Variants in DAB2IP observed in about 807,000 individuals in gnomAD.
DAB2IP encodes the protein DAB2 interacting protein, also known as disabled homolog 2-interacting protein.
In DAB2IP, 28 loss-of-function variants were observed where a neutral mutation model predicts 107.2. The ratio of observed to expected loss-of-function variants is 0.26; its 90% CI spans 0.19 to 0.36. The LOEUF (loss-of-function observed/expected upper bound fraction) is 0.36, where lower values mean the gene tolerates loss of function less well. Ranked by LOEUF, DAB2IP falls within the 10% of genes least tolerant of loss-of-function variation. The probability of loss-of-function intolerance (pLI) is 1.00; values close to 1 mark genes in which losing one functional copy is unlikely to be tolerated. For missense variants in DAB2IP, 1,400 were observed against 1,644.7 expected (o/e 0.85, Z 2.57); for synonymous variants, 755 against 706.4 (o/e 1.07, Z -1.09).
chr9:121,780,139 G>A (rs923416816), intron 14 of DAB2IP, among the ~76,000 whole-genome samples: 1 of 152,120 alleles, frequency 6.6e-6, no homozygotes, highest in Non-Finnish European at 1.5e-5. Context: ...TCCCTCCCTG[G>A]CCTCCCAAAG....
At chr9:121,591,795 C>T (rs1336873595) in intron 1 of DAB2IP, among the ~76,000 whole-genome samples, 1 of 152,142 alleles carries the variant, frequency 6.6e-6, no homozygotes, top group Non-Finnish European at 1.5e-5. Flanking sequence ...GGGTGTAGTT[C>T]AAGTTGCCTG....
intron 1 of DAB2IP, among the ~76,000 whole-genome samples, chr9:121,615,891 G>T (rs55693555): frequency 0.071 from 10,734 of 152,206 alleles, 450 homozygotes; most frequent in Non-Finnish European, 0.096. Flanking sequence ...CTCCCAAAGT[G>T]CTGGGATTAC....
chr9:121,664,556 G>A (rs1347459142), intron 1 of DAB2IP, among the ~76,000 whole-genome samples: 1 of 152,192 alleles, frequency 6.6e-6, no homozygotes, highest in East Asian at 1.9e-4. Flanking sequence ...GATCCTTAAT[G>A]TCTCTCAGCA....
chr9:121,738,217 C>T (rs1406950006), intron 3 of DAB2IP, among the ~76,000 whole-genome samples: 1 of 152,112 alleles, frequency 6.6e-6, no homozygotes, highest in Non-Finnish European at 1.5e-5. Flanking sequence ...GGCTGCAGGG[C>T]TAATGAGGGC....
At chr9:121,771,468 G>A (rs1389053296) in intron 11 of DAB2IP, among the ~76,000 whole-genome samples, 1 of 152,166 alleles carries the variant, frequency 6.6e-6, no homozygotes, top group South Asian at 2.1e-4. Context: ...AGCAGGGGAG[G>A]GTGCTGAGAT....
intron 1 of DAB2IP, among the ~76,000 whole-genome samples, chr9:121,605,987 G>T (rs1830858026): frequency 6.6e-6 from 1 of 152,116 alleles, no homozygotes; most frequent in African/African-American, 2.4e-5. Context: ...ATCTGTCCCT[G>T]AGTTCAGAGA....
At chr9:121,730,781 TC>T (rs1831488770) in intron 3 of DAB2IP, among the ~76,000 whole-genome samples, 1 of 152,180 alleles carries the variant, frequency 6.6e-6, no homozygotes, top group South Asian at 2.1e-4. Context: ...ACTGCCTTGC[TC>T]CTCTGATCCC....
In DAB2IP at chr9:121,763,657, G is replaced by C. The variant is rs755550843; in HGVS notation, c.1315+8G>C. 31 of 1,612,652 alleles carry C rather than the reference G, an allele frequency of 1.9e-5. No individual in the cohort carries two copies. Among genetic ancestry groups the C allele is most frequent in the Admixed American group, 3.3e-5 (2 of 59,938 alleles). ...ACCTGCAGGACGCCCTAGGTAGGGA[G>C]TGGGCCAGCAGCAGGGCAGAGGGTG... On this transcript the variant is annotated splice_region_variant and intron_variant, in intron 7 of 15. Transcript: ENST00000408936.
intron 12 of DAB2IP, 152 bp downstream of exon 12, chr9:121,773,647 C>T: frequency 9.5e-7 from 1 of 1,053,164 alleles, no homozygotes; most frequent in Non-Finnish European, 1.2e-6. Context: ...GCCACCACCC[C>T]CTCCCCCTGG....
At position 121,699,215 on chromosome 9, in the gene DAB2IP, C is replaced by G; in HGVS notation, c.229-110C>G. On this transcript the variant is annotated intron_variant, in intron 2 of 15. Coordinates refer to ENST00000408936, the Ensembl canonical transcript of DAB2IP. The surrounding 1 kb of genome is among the most constrained non-coding windows in gnomAD (Gnocchi z 6.2). ...TGGGGCCGAGCCCGAGCCCGGCCCG[C>G]CCTCGGCCGCGCGGCCGCCCAGCAA... 5.0e-6 allele frequency: 5 copies of G among 993,798 alleles called. No individual in the cohort carries two copies. Among genetic ancestry groups the G allele is most frequent in the Non-Finnish European group, 6.0e-6 (5 of 837,168 alleles). 61.6% of individuals were successfully genotyped at this position (993,798 alleles called of 1,614,324 possible).
chr9:121,711,927 TC>T (rs1424654603), intron 3 of DAB2IP, among the ~76,000 whole-genome samples: 1 of 152,184 alleles, frequency 6.6e-6, no homozygotes, highest in Non-Finnish European at 1.5e-5. Flanking sequence ...CCCATCCCCC[TC>T]TAGACTCCCT....
chr9:121,612,601 A>T (rs1300582612), intron 1 of DAB2IP, among the ~76,000 whole-genome samples: 1 of 152,100 alleles, frequency 6.6e-6, no homozygotes, highest in Non-Finnish European at 1.5e-5. Context: ...GGCAGGGCGG[A>T]ACTCCAACAA....
Position 121,669,946 on chromosome 9 carries a change from G to A in DAB2IP, c.125-8732G>A, listed in dbSNP as rs558064972. Among the ~76,000 whole-genome samples, 16 of 152,238 alleles carry A rather than the reference G, an allele frequency of 1.1e-4. No homozygotes were observed. In the South Asian group the frequency reaches 2.1e-3, roughly 20 times the overall value. ...TCGTGTACATTGGTACCATGCCTGC[G>A]TATAGTTCTCTGCCATTTCATCATG... On this transcript the variant is annotated intron_variant, in intron 1 of 15. Transcript: ENST00000408936.
intron 1 of DAB2IP, among the ~76,000 whole-genome samples, chr9:121,617,100 G>A (rs779728472): frequency 6.6e-6 from 1 of 152,198 alleles, no homozygotes; most frequent in Non-Finnish European, 1.5e-5. Context: ...CTGGGAGGCC[G>A]AGGTGAGCAG....
intron 1 of DAB2IP, among the ~76,000 whole-genome samples, chr9:121,627,562 CTG>C (rs1370860082): frequency 6.6e-6 from 1 of 152,154 alleles, no homozygotes; most frequent in Non-Finnish European, 1.5e-5. Flanking sequence ...TCTGCAAAGA[CTG>C]TGGCTGTGTA....
At chr9:121,761,885 T>A (rs1349222699) in intron 6 of DAB2IP, among the ~76,000 whole-genome samples, 4 of 152,034 alleles carry the variant, frequency 2.6e-5, no homozygotes, top group Non-Finnish European at 4.4e-5. Context: ...TGCAGTTGTG[T>A]CTGATGTTTC....
chr9:121,729,733 G>A (rs1409023340), intron 3 of DAB2IP, among the ~76,000 whole-genome samples: 2 of 152,158 alleles, frequency 1.3e-5, no homozygotes, highest in East Asian at 3.8e-4. Context: ...GGCCCGATGG[G>A]GTGGAAAGTT....
At chr9:121,713,389 C>T (rs1364735177) in intron 3 of DAB2IP, among the ~76,000 whole-genome samples, 1 of 152,272 alleles carries the variant, frequency 6.6e-6, no homozygotes, top group East Asian at 1.9e-4. Context: ...GAGTGAAAGC[C>T]TTCCTTCAGG....
chr9:121,668,957 C>A (rs1281043980), intron 1 of DAB2IP, among the ~76,000 whole-genome samples: 1 of 143,968 alleles, frequency 6.9e-6, no homozygotes, highest in African/African-American at 2.6e-5. Context: ...GCTTTGTCAC[C>A]CAGGCTGGAG....
Sources: allele counts gnomAD v4.1 joint callset (sites outside exome capture counted in the v4.1 genomes callset), GRCh38; gene constraint gnomAD v4.1.1; non-coding constraint Gnocchi (gnomAD v3.1); transcripts MANE v1.5; gene names NCBI Gene and HGNC (gene_info 2026-07-23, HGNC 2026-07-21).